AGPAT4: variants seen among roughly 807,000 people sequenced by gnomAD.
AGPAT4 encodes the protein 1-acyl-sn-glycerol-3-phosphate acyltransferase delta.
In AGPAT4, 15 loss-of-function variants were observed where a neutral mutation model predicts 48.0. That is an observed-to-expected ratio of 0.31 (90% CI 0.21 to 0.48). The LOEUF (loss-of-function observed/expected upper bound fraction) is 0.48, where lower values mean the gene tolerates loss of function less well. AGPAT4 is among the 20% of genes least tolerant of loss of function. The pLI is 0.99. For missense variants in AGPAT4, 314 were observed against 482.5 expected (o/e 0.65, Z 3.27); for synonymous variants, 178 against 198.7 (o/e 0.90, Z 0.88).
In AGPAT4 at chr6:161,222,403, A is replaced by G. The variant is rs193274515; in HGVS notation, c.178+9633T>C. 2.1e-3 allele frequency among the ~76,000 whole-genome samples: 326 copies of G among 152,322 alleles called. 2 individuals are homozygous for G. The highest frequency in any genetic ancestry group is 7.4e-3 in the African/African-American group (308 of 41,576). On this transcript the variant is annotated intron_variant, in intron 2 of 8. Transcript: ENST00000320285. This position sits in a 1 kb window ranked among gnomAD's most constrained non-coding sequence, Gnocchi z 5.9. The stretch of plus-strand genomic sequence containing the variant: ...TTTCTAAAATCATCTCTAATTCCTA[A>G]AAATAGCACTTTGACAACTTTACTT...
intron 2 of AGPAT4, among the ~76,000 whole-genome samples, chr6:161,186,248 C>T (rs1436039057): frequency 2.0e-5 from 3 of 152,166 alleles, no homozygotes; most frequent in African/African-American, 7.2e-5. Flanking sequence ...CAGAGCCTGA[C>T]TAACATGATG....
intron 2 of AGPAT4, among the ~76,000 whole-genome samples, chr6:161,205,131 A>G (rs1781345960): frequency 6.6e-6 from 1 of 152,112 alleles, no homozygotes; most frequent in African/African-American, 2.4e-5. Context: ...AAAACACATC[A>G]TGATTCTCTG....
Position 161,266,395 on chromosome 6 carries a change from G to A in AGPAT4, c.-90+7543C>T, listed in dbSNP as rs1183223906. Among the ~76,000 whole-genome samples the A allele has an allele frequency of 2.0e-5, 3 of 152,138 alleles. No homozygotes were observed. The highest frequency in any genetic ancestry group is 4.4e-5 in the Non-Finnish European group (3 of 68,032). ...GGGTACTCTGCTCTATGCTACAAAC[G>A]ATGCGATCATACCTCCATGCCATGA... is the stretch of plus-strand genomic sequence containing the variant. On this transcript the variant is annotated intron_variant, in intron 1 of 8. Transcript: ENST00000320285. The surrounding 1 kb of genome is among the most constrained non-coding windows in gnomAD (Gnocchi z 6.2).
At chr6:161,192,447 G>A (rs932171036) in intron 2 of AGPAT4, among the ~76,000 whole-genome samples, 2 of 152,086 alleles carry the variant, frequency 1.3e-5, no homozygotes, top group Non-Finnish European at 2.9e-5. Flanking sequence ...CACTGCACCT[G>A]GCTGGAAGTC....
rs991294966 is a variant in AGPAT4, at chr6:161,243,646, A to G, written c.-89-11344T>C. Among the ~76,000 whole-genome samples the G allele has an allele frequency of 6.6e-6, 1 of 152,224 alleles. No homozygotes were observed. The highest frequency in any genetic ancestry group is 2.4e-5 in the African/African-American group (1 of 41,462). On this transcript the variant is annotated intron_variant, in intron 1 of 8. Coordinates refer to ENST00000320285, the MANE Select transcript of AGPAT4 (RefSeq NM_020133.3). The surrounding 1 kb of genome is among the most constrained non-coding windows in gnomAD (Gnocchi z 4.8). Reference sequence around the variant, plus strand: ...ACACACAGGAAGGCAGAGAAACAGCACAACAGCTGCAGGAAGAACCCTCAG... The same window carrying G: ...ACACACAGGAAGGCAGAGAAACAGCGCAACAGCTGCAGGAAGAACCCTCAG...
intron 1 of AGPAT4, among the ~76,000 whole-genome samples, chr6:161,263,713 T>C (rs1582920169): frequency 1.3e-5 from 2 of 152,292 alleles, no homozygotes; most frequent in East Asian, 3.9e-4. Flanking sequence ...AGGATTTCAG[T>C]GACCCCCACA....
intron 2 of AGPAT4, among the ~76,000 whole-genome samples, chr6:161,227,080 C>G (rs1351422966): frequency 6.6e-6 from 1 of 152,214 alleles, no homozygotes; most frequent in Non-Finnish European, 1.5e-5. Flanking sequence ...CAGTCACACA[C>G]CTGGAGACAG....
chr6:161,146,507 G>C lies in AGPAT4; in HGVS notation c.843+17C>G. 6.2e-7 allele frequency: 1 copy of C among 1,613,070 alleles called. No individual in the cohort carries two copies. The highest frequency in any genetic ancestry group is 1.7e-5 in the Admixed American group (1 of 59,980). Reference sequence around the variant, plus strand: ...CAGCTGCAACGTGAAGGGACCCCTGGCACCCAGTGCACTGACCTTCTCCTG... The same window carrying C: ...CAGCTGCAACGTGAAGGGACCCCTGCCACCCAGTGCACTGACCTTCTCCTG... On this transcript the variant is annotated intron_variant, in intron 7 of 8. Transcript: ENST00000320285. The surrounding 1 kb of genome is among the most constrained non-coding windows in gnomAD (Gnocchi z 7.1).
rs570077094 is a variant in AGPAT4 at position 161,235,512 on chromosome 6, C to T, written c.-89-3210G>A. ...ATTCCAGATAGACGTTTTGGGGACC[C>T]ATCTGGATTAGTCCATTCTCGCACT... On this transcript the variant is annotated intron_variant, in intron 1 of 8. Coordinates refer to ENST00000320285, the MANE Select transcript of AGPAT4 (RefSeq NM_020133.3). The surrounding 1 kb of genome is among the most constrained non-coding windows in gnomAD (Gnocchi z 6.2). 1.7e-4 allele frequency among the ~76,000 whole-genome samples: 26 copies of T among 152,156 alleles called. No individual in the cohort carries two copies. The highest frequency in any genetic ancestry group is 3.1e-4 in the Non-Finnish European group (21 of 68,036).
intron 1 of AGPAT4, among the ~76,000 whole-genome samples, chr6:161,247,695 A>C (rs1029576155): frequency 6.6e-5 from 10 of 152,182 alleles, no homozygotes; most frequent in Non-Finnish European, 1.3e-4. Context: ...TAGTATTAGA[A>C]GTCCTGGCCA....
In AGPAT4 at chr6:161,229,893, G is replaced by A. The variant is rs1782080763; in HGVS notation, c.178+2143C>T. ...TGGAGGTGCTTCCTCTGGGGAAGAA[G>A]GCACAGAGCATCACTGGGTATACCT... is the stretch of plus-strand genomic sequence containing the variant. On this transcript the variant is annotated intron_variant, in intron 2 of 8. Transcript: ENST00000320285. This position sits in a 1 kb window ranked among gnomAD's most constrained non-coding sequence, Gnocchi z 6.0. Among the ~76,000 whole-genome samples the A allele has an allele frequency of 6.6e-6, 1 of 152,144 alleles. No individual in the cohort carries two copies. The highest frequency in any genetic ancestry group is 1.5e-5 in the Non-Finnish European group (1 of 68,026).
rs3798932 is a variant in AGPAT4, at chr6:161,204,854, T to C, written c.178+27182A>G. On this transcript the variant is annotated intron_variant, in intron 2 of 8. Transcript: ENST00000320285. The surrounding 1 kb of genome is among the most constrained non-coding windows in gnomAD (Gnocchi z 4.4). ...CCATTGTGCTACTTTGTAATGATTATAGAGTCAGCTATAAGAAGAATTTCA... is the reference window on the plus strand; with the variant it reads ...CCATTGTGCTACTTTGTAATGATTACAGAGTCAGCTATAAGAAGAATTTCA... 3.3e-5 allele frequency among the ~76,000 whole-genome samples: 5 copies of C among 152,186 alleles called. No homozygotes were observed. The East Asian group carries it at 9.6e-4, about 29-fold the overall frequency.
rs1399813526 is a variant in AGPAT4, at chr6:161,140,776, A to T, written c.844-1156T>A. On this transcript the variant is annotated intron_variant, in intron 7 of 8. Coordinates refer to ENST00000320285, the MANE Select transcript of AGPAT4 (RefSeq NM_020133.3). This position sits in a 1 kb window ranked among gnomAD's most constrained non-coding sequence, Gnocchi z 6.5. ...AAGCTGCCTGCAGGGAGCAGAGCTG[A>T]ACCAGGCAGCCACAGGGAATTGCCC... is the stretch of plus-strand genomic sequence containing the variant. Among the ~76,000 whole-genome samples the T allele has an allele frequency of 2.0e-5, 3 of 152,226 alleles. No homozygotes were observed. Among genetic ancestry groups the T allele is most frequent in the African/African-American group, 7.2e-5 (3 of 41,468 alleles).
At position 161,222,604 on chromosome 6, in the gene AGPAT4, C is replaced by T. The variant is rs1781864931; in HGVS notation, c.178+9432G>A. ...TTTTTTTTTTTCAAATTCCAATTAA[C>T]AGTTTCTCAAGGCACATTTTGAACA... On this transcript the variant is annotated intron_variant, in intron 2 of 8. Transcript: ENST00000320285. This position sits in a 1 kb window ranked among gnomAD's most constrained non-coding sequence, Gnocchi z 5.9. Among the ~76,000 whole-genome samples, 1 of 151,086 alleles carries T rather than the reference C, an allele frequency of 6.6e-6. No individual in the cohort carries two copies. Among genetic ancestry groups the T allele is most frequent in the Non-Finnish European group, 1.5e-5 (1 of 67,872 alleles).
At chr6:161,210,695 G>A (rs1781498825) in intron 2 of AGPAT4, among the ~76,000 whole-genome samples, 1 of 152,080 alleles carries the variant, frequency 6.6e-6, no homozygotes, top group Admixed American at 6.6e-5. Context: ...CTTAAAAATT[G>A]CCAGCATATA....
rs1779255845 is a variant in AGPAT4 at position 161,141,727 on chromosome 6, G to A, written c.844-2107C>T. Among the ~76,000 whole-genome samples the A allele has an allele frequency of 1.3e-5, 2 of 152,096 alleles. No individual in the cohort carries two copies. The stretch of plus-strand genomic sequence containing the variant: ...CTTTTTTACAGTAATATCACAAAGG[G>A]GAACTCACCATGGTGCCTTTTCTGT... On this transcript the variant is annotated intron_variant, in intron 7 of 8. Coordinates refer to ENST00000320285, the MANE Select transcript of AGPAT4 (RefSeq NM_020133.3). This position sits in a 1 kb window ranked among gnomAD's most constrained non-coding sequence, Gnocchi z 6.7.
At chr6:161,151,704 C>T (rs61013901) in intron 5 of AGPAT4, among the ~76,000 whole-genome samples, 5,148 of 152,344 alleles carry the variant, frequency 0.034, 230 homozygotes, top group African/African-American at 0.1. Flanking sequence ...ATCAGAGAGA[C>T]AAGGTCACTT....
In AGPAT4 at chr6:161,130,968, T is replaced by C. The variant is rs190847771; in HGVS notation, c.*5572A>G. ...AAAGATCTGGCTAAAACTAGTACTA[T>C]GGAATAGAAAAGGAAAAGTGACATT... On this transcript the variant is annotated 3_prime_UTR_variant, in exon 9 of 9. Transcript: ENST00000320285. The C allele has an allele frequency of 1.7e-4, 85 of 501,206 alleles. No individual in the cohort carries two copies. Among genetic ancestry groups the C allele is most frequent in the African/African-American group, 1.4e-3 (71 of 51,514 alleles). 31.0% of individuals were successfully genotyped at this position (501,206 alleles called of 1,614,324 possible).
Position 161,149,119 on chromosome 6 carries a change from G to C in AGPAT4, c.767+68C>G, listed in dbSNP as rs1779518226. On this transcript the variant is annotated intron_variant, in intron 6 of 8. Coordinates refer to ENST00000320285, the MANE Select transcript of AGPAT4 (RefSeq NM_020133.3). The surrounding 1 kb of genome is among the most constrained non-coding windows in gnomAD (Gnocchi z 6.5). ...AGGGATCCCTGGAAGAAAGTCTCTA[G>C]GTCATTTGTGATGTGTTTACTTTGA... 1 of 1,558,370 alleles carries C rather than the reference G, an allele frequency of 6.4e-7. No homozygotes were observed. Among genetic ancestry groups the C allele is most frequent in the Admixed American group, 2.0e-5 (1 of 50,728 alleles).
Sources: gnomAD v4.1 joint callset for allele counts (sites outside exome capture counted in the v4.1 genomes callset) on GRCh38, gnomAD v4.1.1 for gene constraint, Gnocchi (gnomAD v3.1) non-coding constraint, MANE v1.5 for transcripts, NCBI Gene and HGNC (gene_info 2026-07-23, HGNC 2026-07-21) for gene names.